The following FGG variants were observed in gnomAD, a reference collection of about 807,000 sequenced individuals.
FGG encodes the protein fibrinogen, gamma polypeptide.
Under a neutral mutation model 51.7 loss-of-function variants are expected in FGG, and 20 were observed. The ratio of observed to expected loss-of-function variants is 0.39; its 90% confidence interval spans 0.27 to 0.56. FGG has a LOEUF of 0.56. Ranked by LOEUF, FGG falls within the 20% of genes least tolerant of loss-of-function variation. The pLI, the probability that FGG is intolerant of heterozygous loss-of-function variation, is 0.64. For missense variants in FGG, 460 were observed against 534.2 expected, an observed-to-expected ratio of 0.86 and a Z score of 1.37; for synonymous variants, 184 against 184.7, an observed-to-expected ratio of 1.00 and a Z score of 0.03.
At chr4:154,605,141 A>G (rs1016189233) in intron 8 of FGG, 75 bp from the exon 9 acceptor site, 1 of 1,512,488 alleles carries the variant, frequency 6.6e-7, no homozygotes, top group Non-Finnish European at 9.1e-7. Flanking sequence ...AGAGCTGTCT[A>G]TTACGAAGTG....
At position 154,612,186 on chromosome 4, in the gene FGG, T is replaced by A. The variant is rs1177989745; in HGVS notation, c.139A>T (p.Thr47Ser). ...LDERFGSYCP[T>S]TCGIADFLST... ...AGGAAATCTGCAATGCCACAGGTAG[T>A]TGGACAATAACTACCCTGAAAATAT... The change falls in exon 3 of 9, where the codon ACT (threonine) becomes TCT (serine). Residue 47 changes from threonine to serine, a missense_variant. Physicochemically the swap from Thr to Ser is moderately conservative, Grantham distance 58. Transcript: ENST00000336098. 1.2e-5 allele frequency: 19 copies of A among 1,610,150 alleles called. No homozygotes were observed. The highest frequency in any genetic ancestry group is 1.6e-5 in the Non-Finnish European group (19 of 1,178,012).
In FGG at chr4:154,609,672, A is replaced by G. The variant is rs769392785; in HGVS notation, c.624T>C (p.Cys208=). Residue 208 remains cysteine, a synonymous_variant, in exon 6 of 9, where the codon TGT becomes TGC. Coordinates refer to ENST00000336098, the MANE Select transcript of FGG (RefSeq NM_021870.3). The part of the protein sequence containing the change: ...LKANQQFLVY[C]EIDGSGNGWT... Reference sequence around the variant, plus strand: ...ATCCATTTCCAGACCCATCGATTTCACAGTAGACTAAGAATTGCTGGTTAG... The same window carrying G: ...ATCCATTTCCAGACCCATCGATTTCGCAGTAGACTAAGAATTGCTGGTTAG... 4 of 1,613,972 alleles carry G rather than the reference A, an allele frequency of 2.5e-6. No individual in the cohort carries two copies. Among genetic ancestry groups the G allele is most frequent in the Non-Finnish European group, 3.4e-6 (4 of 1,179,902 alleles).
chr4:154,607,121 G>T, intron 7 of FGG, 139 bp from the exon 8 acceptor site: 2 of 998,900 alleles, frequency 2.0e-6, no homozygotes, highest in Non-Finnish European at 2.9e-6. Flanking sequence ...GAAGTTTTTT[G>T]CAAATCTGGC....
At chr4:154,610,896 A>G (rs548314612) in intron 4 of FGG, among the ~76,000 whole-genome samples, 1 of 152,288 alleles carries the variant, frequency 6.6e-6, no homozygotes, top group South Asian at 2.1e-4. Context: ...TCCAAAAATG[A>G]TAGAAAACTG....
intron 8 of FGG, among the ~76,000 whole-genome samples, chr4:154,606,444 G>T (rs1417114813): frequency 2.0e-5 from 3 of 152,160 alleles, no homozygotes; most frequent in Admixed American, 6.5e-5. Flanking sequence ...CACAGTGCCA[G>T]CTATGATGGT....
At position 154,612,007 on chromosome 4, in the gene FGG, T is replaced by C. The variant is rs1262978543; in HGVS notation, c.307+11A>G. On this transcript the variant is annotated intron_variant, in intron 3 of 8. Transcript: ENST00000336098. ...TTATTATTTTTTGGTCAGTAGTCTT[T>C]ATTTTCTCACTTGGTTTTGATGATT... is the stretch of plus-strand genomic sequence containing the variant. 6.2e-7 allele frequency: 1 copy of C among 1,612,576 alleles called. No individual in the cohort carries two copies.
intron 4 of FGG, among the ~76,000 whole-genome samples, chr4:154,610,549 T>C (rs1731191975): frequency 6.6e-6 from 1 of 152,188 alleles, no homozygotes; most frequent in Non-Finnish European, 1.5e-5. Context: ...TTTTACTTTA[T>C]GCATAAGGGA....
intron 8 of FGG, 62 bp from the exon 9 acceptor site, chr4:154,605,128 T>A: frequency 6.3e-7 from 1 of 1,584,644 alleles, no homozygotes; most frequent in Non-Finnish European, 8.6e-7. Context: ...TGCAAGTCTA[T>A]GAAGAGCTGT....
rs766605366 is a variant in FGG at position 154,612,050 on chromosome 4, A to C, written c.275T>G (p.Leu92Arg). Reference sequence around the variant, plus strand: ...TGATGATTCATCAGGATTATAAGTGAGTTGGATTGCTTTTATCAGCTGTTT... The same window carrying C: ...TGATGATTCATCAGGATTATAAGTGCGTTGGATTGCTTTTATCAGCTGTTT... ...EVKQLIKAIQLTYNPDESSKP... is the reference protein window; with the variant it reads ...EVKQLIKAIQRTYNPDESSKP... The change falls in exon 3 of 9, where the codon CTC becomes CGC. Residue 92 changes from leucine to arginine, a missense_variant. Physicochemically the swap from Leu to Arg is moderately radical, Grantham distance 102 (BLOSUM62 -2). This residue lies in a region of FGG where 353 missense variants were observed against 391.7 expected (regional missense o/e 0.90). Transcript: ENST00000336098. 1.2e-6 allele frequency: 2 copies of C among 1,613,156 alleles called. No individual in the cohort carries two copies. The highest frequency in any genetic ancestry group is 1.7e-6 in the Non-Finnish European group (2 of 1,179,768).
chr4:154,608,557 G>A lies in FGG; in HGVS notation c.760C>T (p.Leu254=). ...ATCAAATGAATCTTCTCATTTCCCA[G>A]CCAAAATTCTGTTGTGCCAGTAGGA... is the stretch of plus-strand genomic sequence containing the variant. The part of the protein sequence containing the change: ...LSPTGTTEFW[L]GNEKIHLIST... The change falls in exon 7 of 9, where the codon CTG becomes TTG. Residue 254 remains leucine, a synonymous_variant. Transcript: ENST00000336098. 14 of 1,613,744 alleles carry A rather than the reference G, an allele frequency of 8.7e-6. No homozygotes were observed. Among genetic ancestry groups the A allele is most frequent in the Non-Finnish European group, 1.1e-5 (13 of 1,179,834 alleles).
chr4:154,612,237 T>A (rs1324821778), intron 2 of FGG, 36 bp from the exon 3 acceptor site: 1 of 1,602,598 alleles, frequency 6.2e-7, no homozygotes, highest in Admixed American at 1.7e-5. Flanking sequence ...TGTAGACAGA[T>A]GCTACTCTTA....
In FGG at chr4:154,611,918, A is replaced by C; in HGVS notation, c.308-20T>G. 1 of 1,604,690 alleles carries C rather than the reference A, an allele frequency of 6.2e-7. No individual in the cohort carries two copies. The highest frequency in any genetic ancestry group is 8.5e-7 in the Non-Finnish European group (1 of 1,172,738). On this transcript the variant is annotated intron_variant, in intron 3 of 8. Coordinates refer to ENST00000336098, the MANE Select transcript of FGG (RefSeq NM_021870.3). Reference sequence around the variant, plus strand: ...TCATATCTGTAATATAGGATCAGAGACATAAAAATCCTTAAGCAAATAGAA... The same window carrying C: ...TCATATCTGTAATATAGGATCAGAGCCATAAAAATCCTTAAGCAAATAGAA...
Position 154,604,724 on chromosome 4 carries a change from T to C in FGG, c.*110A>G, listed in dbSNP as rs1425053426. 1.3e-6 allele frequency: 2 copies of C among 1,547,950 alleles called. No individual in the cohort carries two copies. Among genetic ancestry groups the C allele is most frequent in the Non-Finnish European group, 1.7e-6 (2 of 1,150,604 alleles). ...GTTTTAATTTCCATTGAAGGCTAAA[T>C]GTCCTTAATAGAAGACTTGAAATCA... is the stretch of plus-strand genomic sequence containing the variant. On this transcript the variant is annotated 3_prime_UTR_variant, in exon 9 of 9. Coordinates refer to ENST00000336098, the MANE Select transcript of FGG (RefSeq NM_021870.3).
At chr4:154,610,804 T>A (rs1281514910) in intron 4 of FGG, among the ~76,000 whole-genome samples, 1 of 152,188 alleles carries the variant, frequency 6.6e-6, no homozygotes, top group Non-Finnish European at 1.5e-5. Context: ...TCTTTAATGC[T>A]TCTGGTTACA....
intron 3 of FGG, 54 bp downstream of exon 3, chr4:154,611,964 G>T: frequency 9.4e-6 from 15 of 1,604,112 alleles, no homozygotes; most frequent in Admixed American, 1.7e-5. Context: ...AACAGCAAAA[G>T]AACTTCACAG....
chr4:154,612,549 A>T lies in FGG; in HGVS notation c.61T>A (p.Ser21Thr), dbSNP rs775265707. Residue 21 changes from serine (S) to threonine (T), a missense_variant, in exon 1 of 9, where the codon TCT becomes ACT. Coordinates refer to ENST00000336098, the MANE Select transcript of FGG (RefSeq NM_021870.3). Reference sequence around the variant, plus strand: ...ACACTTACTGCTACACATGTTGAAGAGAGAAATAAAAGAGCATAGAAGTAG... The same window carrying T: ...ACACTTACTGCTACACATGTTGAAGTGAGAAATAAAAGAGCATAGAAGTAG... ...ILYFYALLFL[S>T]STCVAYVATR... The T allele has an allele frequency of 1.2e-6, 2 of 1,614,056 alleles. No individual in the cohort carries two copies. Among genetic ancestry groups the T allele is most frequent in the South Asian group, 2.2e-5 (2 of 91,090 alleles).
intron 7 of FGG, among the ~76,000 whole-genome samples, chr4:154,608,209 A>T (rs571387478): frequency 2.0e-4 from 31 of 152,326 alleles, no homozygotes; most frequent in Admixed American, 1.0e-3. Flanking sequence ...CCTGGGACTG[A>T]TTAAAAGTTC....
chr4:154,604,417 A>G lies in FGG; in HGVS notation c.*417T>C, dbSNP rs1440228381. The G allele has an allele frequency of 7.3e-7, 1 of 1,374,346 alleles. No individual in the cohort carries two copies. Among genetic ancestry groups the G allele is most frequent in the Non-Finnish European group, 9.8e-7 (1 of 1,022,920 alleles). The allele number at this position is 1,374,346 out of a possible 1,614,324, so 85.1% of individuals were successfully genotyped here. Reference sequence around the variant, plus strand: ...GACATAATTTTCTCCATTTAAAAAGAAGAATTAAATAGGAATGATTTAGGG... The same window carrying G: ...GACATAATTTTCTCCATTTAAAAAGGAGAATTAAATAGGAATGATTTAGGG... On this transcript the variant is annotated 3_prime_UTR_variant, in exon 9 of 9. Coordinates refer to ENST00000336098, the MANE Select transcript of FGG (RefSeq NM_021870.3).
chr4:154,611,802 T>C lies in FGG; in HGVS notation c.401+3A>G. 6.3e-7 allele frequency: 1 copy of C among 1,597,086 alleles called. No homozygotes were observed. The highest frequency in any genetic ancestry group is 8.6e-7 in the Non-Finnish European group (1 of 1,167,338). On this transcript the variant is annotated splice_donor_region_variant and intron_variant, in intron 4 of 8. Transcript: ENST00000336098. ...CAGAGCAAATTAAAACAAAAATCCT[T>C]ACCGAATACTTGAGTCATGTGTTAA...
Sources: gnomAD v4.1 joint callset for allele counts (sites outside exome capture counted in the v4.1 genomes callset) on GRCh38, gnomAD v4.1.1 for gene constraint, gnomAD v4.1.1 regional missense constraint, MANE v1.5 for transcripts, NCBI Gene and HGNC (gene_info 2026-07-23, HGNC 2026-07-21) for gene names.